The following DAPK1 variants were observed in gnomAD, a reference collection of about 807,000 sequenced individuals.
DAPK1 encodes the protein death associated protein kinase 1.
DAPK1 carries 56 observed loss-of-function variants against 144.9 expected under a neutral mutation model. The observed-to-expected ratio is 0.39, with a 90% CI of 0.31 to 0.48. The LOEUF is 0.48. DAPK1 is among the 20% of genes least tolerant of loss of function. DAPK1 has a pLI of 0.95. For synonymous variants in DAPK1, 690 were observed against 749.0 expected (o/e 0.92, Z 1.29); for missense variants, 1,454 against 1,875.4 (o/e 0.78, Z 4.15).
At chr9:87,520,324 C>T (rs533444891) in intron 2 of DAPK1, among the ~76,000 whole-genome samples, 4 of 152,246 alleles carry the variant, frequency 2.6e-5, no homozygotes, top group East Asian at 3.9e-4. Flanking sequence ...TTAGCCTCCT[C>T]GCACTCTGGG....
At chr9:87,648,976 T>C in intron 15 of DAPK1, 97 bp downstream of exon 15, 1 of 1,082,572 alleles carries the variant, frequency 9.2e-7, no homozygotes, top group Admixed American at 1.8e-5. Context: ...TTATCCAAGC[T>C]AGGCTTTCTG....
intron 3 of DAPK1, among the ~76,000 whole-genome samples, chr9:87,628,714 C>T: frequency 6.6e-6 from 1 of 152,152 alleles, no homozygotes; most frequent in Middle Eastern, 3.2e-3. Context: ...GCTGTATACA[C>T]CAGGATAGTT....
rs752653610 is a variant in DAPK1 at position 87,708,214 on chromosome 9, T to C, written c.*850T>C. 3.4e-5 allele frequency: 7 copies of C among 208,844 alleles called. No individual in the cohort carries two copies. Among genetic ancestry groups the C allele is most frequent in the Non-Finnish European group, 6.8e-5 (7 of 103,442 alleles). The allele number at this position is 208,844 out of a possible 1,614,324, so 12.9% of individuals were successfully genotyped here. ...TGTCATGCTTCATCATTCCCTCTCA[T>C]CTCAGGTAGAAGGTTGACACAGTTG... On this transcript the variant is annotated 3_prime_UTR_variant, in exon 26 of 26. Transcript: ENST00000408954.
At chr9:87,676,888 C>T (rs182619067) in intron 19 of DAPK1, among the ~76,000 whole-genome samples, 3 of 152,224 alleles carry the variant, frequency 2.0e-5, no homozygotes, top group Middle Eastern at 3.2e-3. Flanking sequence ...TTCTGAGGAA[C>T]CTGCCACCTC....
At chr9:87,597,876 C>T (rs1330385571) in intron 2 of DAPK1, among the ~76,000 whole-genome samples, 1 of 152,198 alleles carries the variant, frequency 6.6e-6, no homozygotes, top group Non-Finnish European at 1.5e-5. Context: ...ACACCTTCTT[C>T]CACTCCTGAC....
At chr9:87,552,803 G>A (rs897135150) in intron 2 of DAPK1, among the ~76,000 whole-genome samples, 2 of 150,840 alleles carry the variant, frequency 1.3e-5, no homozygotes, top group South Asian at 2.1e-4. Context: ...GGGTCTCTGC[G>A]TTGCTCAGGC....
intron 17 of DAPK1, among the ~76,000 whole-genome samples, chr9:87,654,054 G>GT (rs1830549721): frequency 6.6e-6 from 1 of 152,044 alleles, no homozygotes; most frequent in African/African-American, 2.4e-5. Context: ...TCCTACTACC[G>GT]TTTTTTGTGC....
chr9:87,649,178 A>C (rs530911486), intron 15 of DAPK1, among the ~76,000 whole-genome samples: 40 of 152,302 alleles, frequency 2.6e-4, no homozygotes, highest in African/African-American at 9.4e-4. Context: ...TGAGACAGGG[A>C]AAGTTTCTGT....
chr9:87,539,670 G>T (rs187119865), intron 2 of DAPK1, among the ~76,000 whole-genome samples: 1 of 151,852 alleles, frequency 6.6e-6, no homozygotes, highest in Non-Finnish European at 1.5e-5. Context: ...TGCCCACCTC[G>T]GTCTCCCAAA....
chr9:87,652,146 G>C (rs1830466156), intron 17 of DAPK1, among the ~76,000 whole-genome samples: 1 of 144,938 alleles, frequency 6.9e-6, no homozygotes, highest in African/African-American at 2.6e-5. Flanking sequence ...CCCGATCCTG[G>C]GTCCTGATTC....
chr9:87,569,254 A>C, intron 2 of DAPK1, among the ~76,000 whole-genome samples: 1 of 152,158 alleles, frequency 6.6e-6, no homozygotes, highest in East Asian at 1.9e-4. Flanking sequence ...TTACTACTCC[A>C]GTCTGTGAGT....
chr9:87,546,184 C>T (rs1451607677), intron 2 of DAPK1, among the ~76,000 whole-genome samples: 1 of 152,096 alleles, frequency 6.6e-6, no homozygotes, highest in Non-Finnish European at 1.5e-5. Context: ...GCTTACAGAT[C>T]TGGGAGATGA....
chr9:87,641,315 T>A (rs1285895791), intron 9 of DAPK1, among the ~76,000 whole-genome samples: 1 of 152,170 alleles, frequency 6.6e-6, no homozygotes, highest in African/African-American at 2.4e-5. Flanking sequence ...TTACATTACC[T>A]GCCTGGCCTG....
intron 3 of DAPK1, among the ~76,000 whole-genome samples, chr9:87,613,944 GTGGGT>G (rs1829011871): frequency 6.6e-6 from 1 of 152,198 alleles, no homozygotes; most frequent in Non-Finnish European, 1.5e-5. Context: ...AAGAGCTCTT[GTGGGT>G]TCCACTTCTG....
intron 2 of DAPK1, among the ~76,000 whole-genome samples, chr9:87,528,224 T>C (rs1186235554): frequency 5.3e-5 from 8 of 151,616 alleles, no homozygotes; most frequent in Non-Finnish European, 7.4e-5. Flanking sequence ...TCTTTCTTTT[T>C]TTTTTTTTTT....
intron 2 of DAPK1, among the ~76,000 whole-genome samples, chr9:87,556,053 G>A (rs552171278): frequency 6.6e-6 from 1 of 152,300 alleles, no homozygotes; most frequent in African/African-American, 2.4e-5. Context: ...ATGCCACCAT[G>A]GTAATTACTG....
chr9:87,529,582 G>T (rs761979694), intron 2 of DAPK1, among the ~76,000 whole-genome samples: 41 of 152,170 alleles, frequency 2.7e-4, no homozygotes, highest in Non-Finnish European at 5.4e-4. Context: ...GGGATATATG[G>T]CACAGTCTTT....
chr9:87,557,912 G>A (rs1826776512), intron 2 of DAPK1, among the ~76,000 whole-genome samples: 1 of 152,130 alleles, frequency 6.6e-6, no homozygotes, highest in Non-Finnish European at 1.5e-5. Context: ...TTGCACTCCA[G>A]CCTGGGTGAC....
intron 2 of DAPK1, among the ~76,000 whole-genome samples, chr9:87,517,091 C>T (rs1296602337): frequency 6.6e-6 from 1 of 150,634 alleles, no homozygotes; most frequent in Non-Finnish European, 1.5e-5. Context: ...CAGGAACCAC[C>T]TGCAGGGAGC....
Sources: gnomAD v4.1 joint callset for allele counts (sites outside exome capture counted in the v4.1 genomes callset) on GRCh38, gnomAD v4.1.1 for gene constraint, MANE v1.5 for transcripts, NCBI Gene and HGNC (gene_info 2026-07-23, HGNC 2026-07-21) for gene names.